Variants in GPHN observed in about 807,000 individuals in gnomAD.
GPHN encodes gephyrin.
In GPHN, 17 loss-of-function variants were observed where a neutral mutation model predicts 95.5. The observed-to-expected ratio is 0.18, with a 90% CI of 0.12 to 0.27. The LOEUF (loss-of-function observed/expected upper bound fraction) is 0.27, where lower values mean the gene tolerates loss of function less well. GPHN is among the 10% of genes least tolerant of loss of function. The pLI is 1.00. For synonymous variants in GPHN, 320 were observed against 322.5 expected (o/e 0.99, Z 0.08); for missense variants, 660 against 978.1 (o/e 0.67, Z 4.34).
At chr14:66,634,049 A>T (rs1486939646) in intron 1 of GPHN, among the ~76,000 whole-genome samples, 1 of 149,604 alleles carries the variant, frequency 6.7e-6, no homozygotes, top group African/African-American at 2.5e-5. Flanking sequence ...GTTCTTTTGT[A>T]TCTTGTAGAG....
intron 4 of GPHN, among the ~76,000 whole-genome samples, chr14:66,832,322 A>T (rs1006143134): frequency 3.9e-5 from 6 of 152,182 alleles, no homozygotes; most frequent in African/African-American, 1.4e-4. Flanking sequence ...ATCTTTGTAG[A>T]TGCTCAGTAT....
downstream of GPHN, among the ~76,000 whole-genome samples, chr14:67,186,100 C>A (rs1160626700): frequency 6.6e-6 from 1 of 152,106 alleles, no homozygotes; most frequent in African/African-American, 2.4e-5. Flanking sequence ...ACCAGTATTT[C>A]TCCTGCAGTC....
chr14:66,961,918 A>G (rs1448868996), intron 8 of GPHN, among the ~76,000 whole-genome samples: 47 of 61,006 alleles, frequency 7.7e-4, no homozygotes, highest in African/African-American at 5.6e-3. Context: ...ATATATATAT[A>G]TATATATATA....
chr14:67,267,217 A>G, the GPHN span, among the ~76,000 whole-genome samples: 19 of 152,316 alleles, frequency 1.2e-4, no homozygotes, highest in Non-Finnish European at 2.2e-4. Flanking sequence ...TTCTTTTAAA[A>G]TCAGCTGAAT....
chr14:67,415,035 G>A, the GPHN span, among the ~76,000 whole-genome samples: 2 of 152,216 alleles, frequency 1.3e-5, no homozygotes, highest in Non-Finnish European at 2.9e-5. Context: ...CCTGCAGTGA[G>A]AGGGGGGCTG....
At chr14:66,923,036 T>G (rs539789852) in intron 7 of GPHN, 98 bp downstream of exon 7, 1 of 1,005,416 alleles carries the variant, frequency 9.9e-7, no homozygotes, top group Admixed American at 1.8e-5. Context: ...CATTTAATAC[T>G]TCTTCAGAGA....
chr14:66,517,126 C>CAAAAAA (rs1171024713), intron 1 of GPHN, among the ~76,000 whole-genome samples: 2 of 31,012 alleles, frequency 6.4e-5, no homozygotes, highest in Non-Finnish European at 1.5e-4. Context: ...GACTCCATCT[C>CAAAAAA]AAAAAAAAAA....
chr14:66,935,763 A>G (rs1235950835), intron 8 of GPHN, among the ~76,000 whole-genome samples: 2 of 151,882 alleles, frequency 1.3e-5, no homozygotes, highest in African/African-American at 4.8e-5. Context: ...TTAAAACTAT[A>G]TATATACAGT....
chr14:67,519,445 T>C, the GPHN span, among the ~76,000 whole-genome samples: 437 of 152,310 alleles, frequency 2.9e-3, 5 homozygotes, highest in African/African-American at 9.9e-3. Context: ...AATCTTTTCA[T>C]CACTTCTGCT....
At chr14:67,107,932 A>G (rs2078140543) in intron 13 of GPHN, among the ~76,000 whole-genome samples, 1 of 152,212 alleles carries the variant, frequency 6.6e-6, no homozygotes, top group Admixed American at 6.5e-5. Context: ...ATGAGTGACT[A>G]CATCAGCTCA....
chr14:67,636,822 T>C, the GPHN span, among the ~76,000 whole-genome samples: 8 of 152,314 alleles, frequency 5.3e-5, no homozygotes, highest in South Asian at 2.1e-4. Context: ...TCCAAATCTA[T>C]TTGACATGAG....
intron 1 of GPHN, among the ~76,000 whole-genome samples, chr14:66,614,176 T>A (rs2062900365): frequency 6.6e-6 from 1 of 152,106 alleles, no homozygotes; most frequent in Admixed American, 6.6e-5. Flanking sequence ...GAAAATAACA[T>A]AACAGTAAAA....
chr14:67,267,713 T>C, the GPHN span, among the ~76,000 whole-genome samples: 1 of 152,230 alleles, frequency 6.6e-6, no homozygotes, highest in Admixed American at 6.5e-5. Flanking sequence ...TAGGACACTT[T>C]TATCACATGA....
chr14:67,386,701 T>C, the GPHN span, among the ~76,000 whole-genome samples: 1 of 152,220 alleles, frequency 6.6e-6, no homozygotes, highest in Admixed American at 6.5e-5. Flanking sequence ...TGCCCATTTT[T>C]CATAGAAAAG....
intron 6 of GPHN, 52 bp from the exon 7 acceptor site, chr14:66,922,614 A>C (rs1451640620): frequency 7.0e-6 from 10 of 1,438,694 alleles, no homozygotes; most frequent in Non-Finnish European, 9.6e-6. Context: ...ACCATCTTAT[A>C]TAATTACAAA....
At chr14:66,863,938 C>A (rs533617532) in intron 4 of GPHN, among the ~76,000 whole-genome samples, 11 of 152,214 alleles carry the variant, frequency 7.2e-5, no homozygotes, top group Admixed American at 1.3e-4. Flanking sequence ...ATCTCATAAG[C>A]ACAAGCAACC....
intron 3 of GPHN, among the ~76,000 whole-genome samples, chr14:66,808,112 A>G (rs1470070218): frequency 1.3e-5 from 2 of 152,144 alleles, no homozygotes; most frequent in African/African-American, 4.8e-5. Context: ...TATGTTTTTA[A>G]GTTTTTTCAT....
intron 4 of GPHN, among the ~76,000 whole-genome samples, chr14:66,871,794 A>AGG (rs2063450187): frequency 6.6e-6 from 1 of 151,498 alleles, no homozygotes; most frequent in Admixed American, 6.6e-5. Context: ...GGGGAAGGGG[A>AGG]GGGAGGGTAT....
At chr14:66,527,540 T>A (rs1038711761) in intron 1 of GPHN, among the ~76,000 whole-genome samples, 1 of 152,148 alleles carries the variant, frequency 6.6e-6, no homozygotes, top group African/African-American at 2.4e-5. Flanking sequence ...TCTTCTCTAG[T>A]TCTTTTAATT....
Sources: allele counts gnomAD v4.1 joint callset (sites outside exome capture counted in the v4.1 genomes callset), GRCh38; gene constraint gnomAD v4.1.1; transcripts MANE v1.5; gene names NCBI Gene and HGNC (gene_info 2026-07-23, HGNC 2026-07-21).